TOM1L1: variants seen among roughly 807,000 people sequenced by gnomAD.
TOM1L1 encodes the protein TOM1-like protein 1.
Under a neutral mutation model 63.4 loss-of-function variants are expected in TOM1L1, and 64 were observed. That is an observed-to-expected ratio of 1.01 (90% confidence interval 0.83 to 1.24). The LOEUF (loss-of-function observed/expected upper bound fraction) is 1.24. Among genes scored for constraint, TOM1L1 ranks in the 50% most tolerant of loss-of-function variants. The pLI, the probability that TOM1L1 is intolerant of heterozygous loss-of-function variation, is 0.00. For missense variants in TOM1L1, 536 were observed against 567.0 expected (o/e 0.95, Z 0.55); for synonymous variants, 166 against 194.4 (o/e 0.85, Z 1.22).
intron 7 of TOM1L1, among the ~76,000 whole-genome samples, chr17:54,926,171 T>G (rs1366792980): frequency 1.3e-5 from 2 of 152,230 alleles, no homozygotes; most frequent in Non-Finnish European, 2.9e-5. Context: ...TTTTGTGCAG[T>G]AGACACATTT....
intron 11 of TOM1L1, among the ~76,000 whole-genome samples, chr17:54,946,939 A>C (rs1045107985): frequency 2.0e-5 from 3 of 152,154 alleles, no homozygotes; most frequent in Non-Finnish European, 4.4e-5. Flanking sequence ...GAGACCTCAC[A>C]GCTTTCTTCT....
chr17:54,905,012 T>A lies in TOM1L1; in HGVS notation c.144-477T>A, dbSNP rs570415118. Among the ~76,000 whole-genome samples the A allele has an allele frequency of 2.6e-5, 4 of 152,332 alleles. No individual in the cohort carries two copies. In the South Asian group the frequency reaches 6.2e-4, roughly 24 times the overall value. ...GAATCTTAAAGTAAATTTGGACCCTTATAAACAGTCCTTTCTTTGTAACAT... is the reference window on the plus strand; with the variant it reads ...GAATCTTAAAGTAAATTTGGACCCTAATAAACAGTCCTTTCTTTGTAACAT... On this transcript the variant is annotated intron_variant, in intron 2 of 15. Coordinates refer to ENST00000575882, the MANE Select transcript of TOM1L1 (RefSeq NM_005486.3).
intron 3 of TOM1L1, among the ~76,000 whole-genome samples, chr17:54,907,872 C>G (rs2048437717): frequency 6.6e-6 from 1 of 152,150 alleles, no homozygotes; most frequent in Non-Finnish European, 1.5e-5. Flanking sequence ...GCCGCTTTCT[C>G]CATTGTGCCC....
At position 54,949,619 on chromosome 17, in the gene TOM1L1, T is replaced by C. The variant is rs149202591; in HGVS notation, c.1284T>C (p.His428=). ...GTCTGCCACCTTTGCCCAGCAATCA[T>C]CCAGGTACATGGGACCTTATTATTC... ...NQSLPPLPSN[H]PAMTKSDLQP... The change falls in exon 13 of 16, where the codon CAT becomes CAC. Residue 428 remains histidine, a synonymous_variant. Coordinates refer to ENST00000575882, the MANE Select transcript of TOM1L1 (RefSeq NM_005486.3). 2 of 1,611,422 alleles carry C rather than the reference T, an allele frequency of 1.2e-6. No individual in the cohort carries two copies. Among genetic ancestry groups the C allele is most frequent in the African/African-American group, 1.3e-5 (1 of 74,988 alleles).
chr17:54,906,767 T>A (rs2048417986), intron 3 of TOM1L1: 1 of 985,436 alleles, frequency 1.0e-6, no homozygotes, highest in South Asian at 4.7e-5. Context: ...CTTGGCAATA[T>A]GACCTCTTCA....
chr17:54,950,759 C>T (rs1241375129), intron 14 of TOM1L1, among the ~76,000 whole-genome samples: 1 of 152,192 alleles, frequency 6.6e-6, no homozygotes, highest in African/African-American at 2.4e-5. Flanking sequence ...CAGGCTCTAT[C>T]TTGCTTGCAG....
In TOM1L1 at chr17:54,961,301, C is replaced by T. The variant is rs2077118869; in HGVS notation, c.*68C>T. 1.9e-6 allele frequency: 3 copies of T among 1,551,432 alleles called. No homozygotes were observed. The highest frequency in any genetic ancestry group is 2.4e-5 in the East Asian group (1 of 40,922). ...AACTCTCTAAAACGTAGACTCTGTG[C>T]AGCTTTGAAGCCTGGAAGACAATAC... On this transcript the variant is annotated 3_prime_UTR_variant, in exon 16 of 16. Transcript: ENST00000575882.
intron 14 of TOM1L1, 50 bp downstream of exon 14, chr17:54,950,176 G>T (rs748701113): frequency 4.2e-6 from 6 of 1,426,314 alleles, no homozygotes; most frequent in South Asian, 1.2e-5. Flanking sequence ...GGTTCCCTTT[G>T]ATAGCAGAGC....
chr17:54,903,835 G>A (rs371846988), intron 2 of TOM1L1, 43 bp downstream of exon 2: 4 of 1,541,582 alleles, frequency 2.6e-6, no homozygotes, highest in Non-Finnish European at 3.6e-6. Context: ...CTGACAAGAA[G>A]CATCAGAACT....
intron 14 of TOM1L1, chr17:54,954,473 A>G (rs375678199): frequency 1.4e-4 from 22 of 152,406 alleles, no homozygotes; most frequent in African/African-American, 4.8e-4. Flanking sequence ...GAAGAGTGCA[A>G]CAGGGGCCTG....
At chr17:54,947,142 A>G (rs1349931751) in intron 11 of TOM1L1, 119 bp from the exon 12 acceptor site, 1 of 893,468 alleles carries the variant, frequency 1.1e-6, no homozygotes. Flanking sequence ...ACAAAATGAC[A>G]CTTTATGCAG....
chr17:54,939,017 C>T lies in TOM1L1; in HGVS notation c.1127C>T (p.Pro376Leu), dbSNP rs2048995704. The T allele has an allele frequency of 3.8e-6, 6 of 1,589,516 alleles. No homozygotes were observed. The East Asian group carries it at 1.3e-4, about 36-fold the overall frequency. Residue 376 changes from proline to leucine, a missense_variant, in exon 11 of 16, where the codon CCC becomes CTC. Transcript: ENST00000575882. ...CTAGCCTTGGAGAATACAGAGATAC[C>T]CCCGTAAGTATGTCAGTAACACTGC... ...NLLALENTEI[P>L]PFAQRTSQNL...
At chr17:54,947,394 C>T in intron 12 of TOM1L1, 82 bp downstream of exon 12, 1 of 1,454,612 alleles carries the variant, frequency 6.9e-7, no homozygotes, top group Non-Finnish European at 9.6e-7. Flanking sequence ...TCATTAATTC[C>T]CATGTTCTGC....
intron 3 of TOM1L1, among the ~76,000 whole-genome samples, chr17:54,908,213 C>G (rs896296347): frequency 6.6e-6 from 1 of 152,168 alleles, no homozygotes; most frequent in East Asian, 1.9e-4. Flanking sequence ...TCCTTGGGGT[C>G]ACAGTACATT....
Position 54,931,283 on chromosome 17 carries a change from T to C in TOM1L1, c.854+1077T>C, listed in dbSNP as rs145022531. ...TTTTCTTTCTTATTTTTTTGATGTATTAAATAGGATAATAATACCTTTTTA... is the reference window on the plus strand; with the variant it reads ...TTTTCTTTCTTATTTTTTTGATGTACTAAATAGGATAATAATACCTTTTTA... On this transcript the variant is annotated intron_variant, in intron 8 of 15. Coordinates refer to ENST00000575882, the MANE Select transcript of TOM1L1 (RefSeq NM_005486.3). 1.6e-3 allele frequency among the ~76,000 whole-genome samples: 245 copies of C among 152,340 alleles called. 1 individual carries two copies. Among genetic ancestry groups the C allele is most frequent in the Admixed American group, 4.3e-3 (65 of 15,294 alleles).
chr17:54,937,832 A>G (rs1225093994), intron 10 of TOM1L1: 3 of 145,330 alleles, frequency 2.1e-5, no homozygotes, highest in Admixed American at 1.4e-4. Context: ...CAAAGCTTAC[A>G]ATGCATTTTA....
intron 14 of TOM1L1, chr17:54,954,932 C>T (rs1048521622): frequency 6.6e-6 from 1 of 152,198 alleles, no homozygotes; most frequent in African/African-American, 2.4e-5. Flanking sequence ...ACCATCTCTT[C>T]TGATCTAGGG....
In TOM1L1 at chr17:54,960,565, G is replaced by A; in HGVS notation, c.1371-1G>A. 6.2e-7 allele frequency: 1 copy of A among 1,612,744 alleles called. No homozygotes were observed. Among genetic ancestry groups the A allele is most frequent in the Non-Finnish European group, 8.5e-7 (1 of 1,179,382 alleles). ...CTTTTGCTGTGATGGCTTTGTTTCA[G>A]AGCTATTTATGAAGAAATTGATGCT... On this transcript the variant is annotated splice_acceptor_variant, in intron 14 of 15. Transcript: ENST00000575882. LOFTEE classifies it high-confidence loss of function.
Position 54,936,619 on chromosome 17 carries a change from A to G in TOM1L1, c.855-30A>G, listed in dbSNP as rs17745189. ...TATAGCATTTTCATATATTTTTTTA[A>G]AAACACATGCATTTTGATCATTTAA... is the stretch of plus-strand genomic sequence containing the variant. On this transcript the variant is annotated intron_variant, in intron 8 of 15. Coordinates refer to ENST00000575882, the MANE Select transcript of TOM1L1 (RefSeq NM_005486.3). 0.26 allele frequency: 400,083 copies of G among 1,561,056 alleles called. 54,566 individuals are homozygous for G. The highest frequency in any genetic ancestry group is 0.28 in the Non-Finnish European group (323,757 of 1,156,304).
Sources: gnomAD v4.1 joint callset for allele counts (sites outside exome capture counted in the v4.1 genomes callset) on GRCh38, gnomAD v4.1.1 for gene constraint, MANE v1.5 for transcripts, NCBI Gene and HGNC (gene_info 2026-07-23, HGNC 2026-07-21) for gene names.